Variants in HS3ST4 observed in about 807,000 individuals in gnomAD.
The protein encoded by HS3ST4 is heparan sulfate glucosamine 3-O-sulfotransferase 4.
In HS3ST4, 17 loss-of-function variants were observed where a neutral mutation model predicts 29.2. That is an observed-to-expected ratio of 0.58 (90% CI 0.40 to 0.87). The LOEUF (loss-of-function observed/expected upper bound fraction) is 0.87. Among genes scored for constraint, HS3ST4 ranks in the 40% least tolerant of loss-of-function variants. HS3ST4 has a pLI of 0.00. For missense variants in HS3ST4, 627 were observed against 634.5 expected, an observed-to-expected ratio of 0.99 and a Z score of 0.13; for synonymous variants, 314 against 285.7, an observed-to-expected ratio of 1.10 and a Z score of -1.00.
intron 1 of HS3ST4, among the ~76,000 whole-genome samples, chr16:25,745,288 T>A (rs866970450): frequency 6.6e-6 from 1 of 152,158 alleles, no homozygotes; most frequent in African/African-American, 2.4e-5. Context: ...TTGAACAAGA[T>A]CAAGGATCTT....
At chr16:26,124,589 T>C (rs768393325) in intron 1 of HS3ST4, among the ~76,000 whole-genome samples, 45 of 152,220 alleles carry the variant, frequency 3.0e-4, no homozygotes, top group Admixed American at 1.2e-3. Context: ...CCCTCTGTGA[T>C]AGACTTCTAT....
rs139226234 is a variant in HS3ST4, at chr16:26,059,110, G to C, written c.735-76502G>C. 3.8e-3 allele frequency among the ~76,000 whole-genome samples: 574 copies of C among 152,222 alleles called. 5 individuals are homozygous for C. The highest frequency in any genetic ancestry group is 0.013 in the African/African-American group (552 of 41,548). The stretch of plus-strand genomic sequence containing the variant: ...CCCAAAGAAGCGATCCTAAGCCTCA[G>C]GTTCAAAGAATGAGACAGAGACAGA... On this transcript the variant is annotated intron_variant, in intron 1 of 1. Coordinates refer to ENST00000331351, the MANE Select transcript of HS3ST4 (RefSeq NM_006040.3).
At chr16:25,939,598 C>CA (rs1968553479) in intron 1 of HS3ST4, among the ~76,000 whole-genome samples, 1 of 152,084 alleles carries the variant, frequency 6.6e-6, no homozygotes. Context: ...CTCAGTCTCC[C>CA]AAAGTGTTGG....
intron 1 of HS3ST4, among the ~76,000 whole-genome samples, chr16:25,803,291 C>T (rs553707122): frequency 4.6e-5 from 7 of 152,160 alleles, no homozygotes; most frequent in Admixed American, 2.6e-4. Context: ...CTATAATTTC[C>T]GGAATGATGT....
At chr16:25,814,420 C>T (rs1033570297) in intron 1 of HS3ST4, among the ~76,000 whole-genome samples, 1 of 152,050 alleles carries the variant, frequency 6.6e-6, no homozygotes, top group Admixed American at 6.6e-5. Flanking sequence ...AATATCAGCT[C>T]ACTGCAACCT....
At chr16:26,030,447 AG>A (rs1490468996) in intron 1 of HS3ST4, among the ~76,000 whole-genome samples, 1 of 152,244 alleles carries the variant, frequency 6.6e-6, no homozygotes, top group Non-Finnish European at 1.5e-5. Context: ...TTATATTTCT[AG>A]GTTAATGATG....
At chr16:25,895,488 G>A (rs113057639) in intron 1 of HS3ST4, among the ~76,000 whole-genome samples, 5 of 151,920 alleles carry the variant, frequency 3.3e-5, no homozygotes, top group Non-Finnish European at 5.9e-5. Context: ...TCAGGGGCTC[G>A]ATAAGCAGGC....
In HS3ST4 at chr16:25,725,033, CTTT is replaced by C. The variant is rs5816321; in HGVS notation, c.734+31900_734+31902del. Among the ~76,000 whole-genome samples the C allele has an allele frequency of 2.6e-3, 339 of 132,646 alleles. 2 individuals carry two copies. The East Asian group carries it at 0.032, about 13-fold the overall frequency. 87.0% of individuals were successfully genotyped at this position (132,646 alleles called of 152,430 possible). ...TATTTCATTATCTTCCTTCCTCCCT[CTTT>C]TTTTTTTTTTTTTTTTTAAATAGGA... is the stretch of plus-strand genomic sequence containing the variant. On this transcript the variant is annotated intron_variant, in intron 1 of 1. Transcript: ENST00000331351.
chr16:26,091,377 A>T (rs1169384212), intron 1 of HS3ST4, among the ~76,000 whole-genome samples: 1 of 152,212 alleles, frequency 6.6e-6, no homozygotes, highest in African/African-American at 2.4e-5. Context: ...ATACTCAATG[A>T]ATGCCTATTG....
intron 1 of HS3ST4, among the ~76,000 whole-genome samples, chr16:25,798,766 C>T (rs1225417598): frequency 6.6e-6 from 1 of 152,162 alleles, no homozygotes; most frequent in Non-Finnish European, 1.5e-5. Flanking sequence ...TGGGGCTTCA[C>T]GGCACCCTCA....
chr16:25,999,870 A>G (rs1969195117), intron 1 of HS3ST4, among the ~76,000 whole-genome samples: 1 of 127,996 alleles, frequency 7.8e-6, no homozygotes, highest in African/African-American at 3.0e-5. Flanking sequence ...TATATTATAT[A>G]TTTTATATAT....
rs534328852 is a variant in HS3ST4, at chr16:25,863,354, T to C, written c.734+170203T>C. 2.0e-5 allele frequency among the ~76,000 whole-genome samples: 3 copies of C among 152,336 alleles called. No homozygotes were observed. In the East Asian group the frequency reaches 5.8e-4, roughly 29 times the overall value. On this transcript the variant is annotated intron_variant, in intron 1 of 1. Coordinates refer to ENST00000331351, the MANE Select transcript of HS3ST4 (RefSeq NM_006040.3). ...CTTCAGCCTCCCAAAGTGCTGAGAT[T>C]ACAGGCATGAGCCACTGTGCCTGGC...
At chr16:26,121,033 A>G (rs1899268633) in intron 1 of HS3ST4, among the ~76,000 whole-genome samples, 1 of 152,190 alleles carries the variant, frequency 6.6e-6, no homozygotes, top group Non-Finnish European at 1.5e-5. Flanking sequence ...TCCTGATGAA[A>G]CATGCTCTGA....
chr16:25,914,996 T>C (rs919798262), intron 1 of HS3ST4, among the ~76,000 whole-genome samples: 3 of 152,120 alleles, frequency 2.0e-5, no homozygotes, highest in Admixed American at 6.5e-5. Flanking sequence ...AAATCTTAGT[T>C]ATGCGGGCTG....
chr16:25,825,132 GT>G (rs1383331715), intron 1 of HS3ST4, among the ~76,000 whole-genome samples: 1 of 152,190 alleles, frequency 6.6e-6, no homozygotes, highest in Non-Finnish European at 1.5e-5. Context: ...TGAATCCCAT[GT>G]GACAACAGAA....
At chr16:26,110,538 A>G (rs567928950) in intron 1 of HS3ST4, among the ~76,000 whole-genome samples, 4 of 152,256 alleles carry the variant, frequency 2.6e-5, no homozygotes, top group Non-Finnish European at 5.9e-5. Flanking sequence ...CCCTCTTCTT[A>G]TTATATCCAC....
intron 1 of HS3ST4, among the ~76,000 whole-genome samples, chr16:25,696,426 G>A (rs187408405): frequency 2.0e-5 from 3 of 152,100 alleles, no homozygotes; most frequent in Admixed American, 6.5e-5. Context: ...CAGAGCATAC[G>A]GTAACCATGA....
In HS3ST4 at chr16:26,028,038, C is replaced by T. The variant is rs528881067; in HGVS notation, c.735-107574C>T. ...CTGTAATCCCAGCACTTTGGGAGGC[C>T]GAGGTGGGTGGATCACCTGAGGTCA... On this transcript the variant is annotated intron_variant, in intron 1 of 1. Coordinates refer to ENST00000331351, the MANE Select transcript of HS3ST4 (RefSeq NM_006040.3). 5.3e-5 allele frequency among the ~76,000 whole-genome samples: 8 copies of T among 152,100 alleles called. No homozygotes were observed. In the East Asian group the frequency reaches 9.7e-4, roughly 18 times the overall value.
chr16:26,118,613 A>G lies in HS3ST4; in HGVS notation c.735-16999A>G, dbSNP rs560139074. 5.9e-5 allele frequency among the ~76,000 whole-genome samples: 9 copies of G among 152,312 alleles called. No individual in the cohort carries two copies. The East Asian group carries it at 1.7e-3, about 29-fold the overall frequency. On this transcript the variant is annotated intron_variant, in intron 1 of 1. Transcript: ENST00000331351. The stretch of plus-strand genomic sequence containing the variant: ...CAATTTTAGTTAATTTAAAATTAAT[A>G]GCTACTTGTGGCTAGTTCCTTCCAT...
Sources: gnomAD v4.1 joint callset for allele counts (sites outside exome capture counted in the v4.1 genomes callset) on GRCh38, gnomAD v4.1.1 for gene constraint, MANE v1.5 for transcripts, NCBI Gene and HGNC (gene_info 2026-07-23, HGNC 2026-07-21) for gene names.